TUB: variants seen among roughly 807,000 people sequenced by gnomAD.
TUB encodes the protein tubby protein homolog.
TUB carries 33 observed loss-of-function variants against 59.7 expected under a neutral mutation model. The observed-to-expected ratio is 0.55, with a 90% CI of 0.42 to 0.74. The LOEUF (loss-of-function observed/expected upper bound fraction) is 0.74, where lower values mean the gene tolerates loss of function less well. Ranked by LOEUF, TUB falls within the 30% of genes least tolerant of loss-of-function variation. The pLI is 0.00. For missense variants in TUB, 659 were observed against 672.0 expected, an observed-to-expected ratio of 0.98 and a Z score of 0.21; for synonymous variants, 293 against 256.4, an observed-to-expected ratio of 1.14 and a Z score of -1.36.
In TUB at chr11:8,103,974, T is replaced by G. The variant is rs961219209; in HGVS notation, c.*2355T>G. On this transcript the variant is annotated 3_prime_UTR_variant, in exon 12 of 12. Coordinates refer to ENST00000299506, the MANE Select transcript of TUB (RefSeq NM_177972.3). ...GAAAGACAGGCTGAGCTTTCTAGCC[T>G]AAGTGTGGAGAAGGATAGCCTCAGC... is the stretch of plus-strand genomic sequence containing the variant. The G allele has an allele frequency of 6.6e-6, 1 of 152,226 alleles. No individual in the cohort carries two copies. Among genetic ancestry groups the G allele is most frequent in the Non-Finnish European group, 1.5e-5 (1 of 68,066 alleles). The allele number at this position is 152,226 out of a possible 1,614,324, so 9.4% of individuals were successfully genotyped here. A position where few individuals can be genotyped will look rare whatever the true frequency, so the allele number is the denominator to read the frequency against.
In TUB at chr11:8,097,407, C is replaced by T; in HGVS notation, c.867C>T (p.Asp289=). The T allele has an allele frequency of 1.9e-6, 3 of 1,614,152 alleles. No individual in the cohort carries two copies. The highest frequency in any genetic ancestry group is 2.5e-6 in the Non-Finnish European group (3 of 1,180,020). The change falls in exon 7 of 12, where the codon GAC becomes GAT. Residue 289 remains aspartate, a synonymous_variant. Transcript: ENST00000299506. ...ACCCCACCTACTTTCTGCACCTGGA[C>T]CGTGAGGATGGGAAGAAGGTAAGGT... ...GMYPTYFLHL[D]REDGKKVFLL...
In TUB at chr11:8,104,945, T is replaced by TCC. The variant is rs1554936420; in HGVS notation, c.*3327_*3328insCC. On this transcript the variant is annotated 3_prime_UTR_variant, in exon 12 of 12. Transcript: ENST00000299506. ...GCAGAAGGTTGTTTTTTTTTTTTTT[T>TCC]CTCCATTCTGAAAATAGCAGGACAT... 6.6e-6 allele frequency: 1 copy of TCC among 150,474 alleles called. No individual in the cohort carries two copies. The highest frequency in any genetic ancestry group is 2.1e-4 in the South Asian group (1 of 4,726). 9.3% of individuals were successfully genotyped at this position (150,474 alleles called of 1,614,324 possible).
chr11:8,058,403 G>A (rs74052199), intron 2 of TUB, among the ~76,000 whole-genome samples: 2 of 151,994 alleles, frequency 1.3e-5, no homozygotes, highest in South Asian at 2.1e-4. Context: ...CTCGCACTTC[G>A]ATGCTCAGTC....
intron 1 of TUB, chr11:8,019,459 AC>A (rs1228202553): frequency 5.1e-6 from 6 of 1,173,784 alleles, no homozygotes; most frequent in Non-Finnish European, 6.4e-6. Flanking sequence ...CGAGCGCCCG[AC>A]CCCCAGGGTG....
intron 2 of TUB, among the ~76,000 whole-genome samples, chr11:8,061,503 C>T (rs932292840): frequency 9.9e-5 from 15 of 152,266 alleles, no homozygotes; most frequent in Non-Finnish European, 1.5e-4. Flanking sequence ...CTCCCCTCCC[C>T]GTCCCTCAGA....
chr11:8,026,524 C>T (rs963429139), intron 1 of TUB, among the ~76,000 whole-genome samples: 1 of 149,280 alleles, frequency 6.7e-6, no homozygotes, highest in African/African-American at 2.5e-5. Flanking sequence ...TTGAAAAAAA[C>T]CTTTCTTTTT....
intron 1 of TUB, among the ~76,000 whole-genome samples, chr11:8,033,035 T>A (rs192026500): frequency 6.6e-6 from 1 of 152,130 alleles, no homozygotes; most frequent in Admixed American, 6.5e-5. Context: ...GAGGTCCCGA[T>A]AGAGTGGTAG....
chr11:8,080,180 G>A (rs1467523522), upstream of TUB, among the ~76,000 whole-genome samples: 1 of 152,120 alleles, frequency 6.6e-6, no homozygotes, highest in African/African-American at 2.4e-5. Context: ...GAAGATCCCC[G>A]CACAACACTC....
chr11:8,074,792 A>G lies in TUB; in HGVS notation c.204-14818A>G, dbSNP rs1306310099. On this transcript the variant is annotated intron_variant, in intron 2 of 12. Coordinates refer to the TUB transcript ENST00000305253. ...GACGGAGTCTCGCTCTGTCACCGAG[A>G]CTGGAGTGCAGTGGCACAATCTTGG... Among the ~76,000 whole-genome samples the G allele has an allele frequency of 8.9e-4, 111 of 124,070 alleles. 1 individual carries two copies. The highest frequency in any genetic ancestry group is 4.7e-3 in the Admixed American group (44 of 9,344). The allele number at this position is 124,070 out of a possible 152,430, so 81.4% of individuals were successfully genotyped here. A position where few individuals can be genotyped will look rare whatever the true frequency, so the allele number is the denominator to read the frequency against.
intron 1 of TUB, among the ~76,000 whole-genome samples, chr11:8,021,025 T>C (rs1423369749): frequency 1.3e-5 from 2 of 152,184 alleles, no homozygotes; most frequent in African/African-American, 4.8e-5. Context: ...AGTAAATAAT[T>C]TTTCCCTGCA....
chr11:8,087,680 A>T (rs984319396), intron 1 of TUB, among the ~76,000 whole-genome samples: 6 of 152,362 alleles, frequency 3.9e-5, no homozygotes, highest in Non-Finnish European at 4.4e-5. Flanking sequence ...CACGGGGGAC[A>T]CTGGTGTTCG....
intron 1 of TUB, among the ~76,000 whole-genome samples, chr11:8,030,036 G>T (rs1201057729): frequency 2.0e-5 from 3 of 152,190 alleles, no homozygotes; most frequent in African/African-American, 7.2e-5. Flanking sequence ...AGTGAGTGGG[G>T]GGTGGTCTGT....
intron 10 of TUB, 96 bp downstream of exon 10, chr11:8,100,697 G>A (rs548750415): frequency 2.3e-4 from 342 of 1,515,446 alleles, no homozygotes; most frequent in East Asian, 5.0e-4. Flanking sequence ...GTATGTGGAG[G>A]GGTACCATGT....
intron 1 of TUB, among the ~76,000 whole-genome samples, chr11:8,028,419 G>T (rs1192043164): frequency 6.6e-6 from 1 of 152,152 alleles, no homozygotes; most frequent in Non-Finnish European, 1.5e-5. Context: ...GTCCTTTGAA[G>T]CACAAGCTTT....
chr11:8,027,687 G>A (rs890808625), intron 1 of TUB, among the ~76,000 whole-genome samples: 4 of 151,984 alleles, frequency 2.6e-5, no homozygotes, highest in Non-Finnish European at 4.4e-5. Context: ...GCTATTTTTT[G>A]TATTTTTAGT....
At chr11:8,096,969 G>GGT (rs576270405) in intron 6 of TUB, among the ~76,000 whole-genome samples, 163 bp downstream of exon 6, 13 of 152,120 alleles carry the variant, frequency 8.5e-5, no homozygotes, top group Non-Finnish European at 1.5e-4. Context: ...AGGCCAGCAG[G>GGT]GTGATGTATG....
intron 1 of TUB, among the ~76,000 whole-genome samples, chr11:8,030,140 T>G (rs746365072): frequency 1.6e-4 from 25 of 152,122 alleles, no homozygotes; most frequent in Non-Finnish European, 3.4e-4. Flanking sequence ...TCAGATCCCT[T>G]GGGACTTGCC....
chr11:8,044,024 T>C (rs772872024), intron 2 of TUB, among the ~76,000 whole-genome samples: 1 of 152,090 alleles, frequency 6.6e-6, no homozygotes, highest in Non-Finnish European at 1.5e-5. Flanking sequence ...CTCTTTATCG[T>C]TGGCTTTCAA....
intron 1 of TUB, among the ~76,000 whole-genome samples, chr11:8,021,697 C>A (rs1259078415): frequency 6.6e-6 from 1 of 151,894 alleles, no homozygotes; most frequent in Non-Finnish European, 1.5e-5. Context: ...AAGCAGATCA[C>A]GAGGTCAGGA....
Sources: gnomAD v4.1 joint callset for allele counts (sites outside exome capture counted in the v4.1 genomes callset) on GRCh38, gnomAD v4.1.1 for gene constraint, MANE v1.5 for transcripts, NCBI Gene and HGNC (gene_info 2026-07-23, HGNC 2026-07-21) for gene names.